ECHDC1: variants seen among roughly 807,000 people sequenced by gnomAD.
The protein encoded by ECHDC1 is ethylmalonyl-CoA decarboxylase 1, also known as ethylmalonyl-CoA decarboxylase.
ECHDC1 carries 29 observed loss-of-function variants against 29.7 expected under a neutral mutation model. The observed-to-expected ratio is 0.98, with a 90% confidence interval of 0.73 to 1.33. ECHDC1 has a LOEUF of 1.33. Among genes scored for constraint, ECHDC1 ranks in the 40% most tolerant of loss-of-function variants. The pLI is 0.00. For missense variants in ECHDC1, 328 were observed against 350.0 expected, an observed-to-expected ratio of 0.94 and a Z score of 0.50; for synonymous variants, 126 against 123.1, an observed-to-expected ratio of 1.02 and a Z score of -0.15.
chr6:127,327,057 T>C lies in ECHDC1; in HGVS notation c.308A>G (p.Asn103Ser). 6.2e-7 allele frequency: 1 copy of C among 1,613,970 alleles called. No individual in the cohort carries two copies. The highest frequency in any genetic ancestry group is 8.5e-7 in the Non-Finnish European group (1 of 1,179,926). Residue 103 changes from asparagine (N) to serine (S), a missense_variant, in exon 3 of 6, where the codon AAT (asparagine) becomes AGT (serine). Asn to Ser is a conservative substitution (Grantham distance 46, BLOSUM62 1). Transcript: ENST00000454859. ...CAGATCAGATCCTGAAGAGAAAGTATTTTTTGCCCCACGGACAATGAGGCC... is the reference window on the plus strand; with the variant it reads ...CAGATCAGATCCTGAAGAGAAAGTACTTTTTGCCCCACGGACAATGAGGCC... Reference protein sequence around the residue: ...GKGLIVRGAKNTFSSGSDLNA... With the variant: ...GKGLIVRGAKSTFSSGSDLNA...
At chr6:127,316,545 T>C (rs1485032273) in intron 3 of ECHDC1, 43 bp from the exon 4 acceptor site, 1 of 1,486,722 alleles carries the variant, frequency 6.7e-7, no homozygotes, top group Non-Finnish European at 9.1e-7. Flanking sequence ...ATAATGCAAA[T>C]ATATTACATT....
intron 1 of ECHDC1, among the ~76,000 whole-genome samples, chr6:127,334,116 T>A (rs761790093): frequency 6.6e-6 from 1 of 152,158 alleles, no homozygotes; most frequent in Non-Finnish European, 1.5e-5. Flanking sequence ...CATTTCTATC[T>A]CTAATTCAGA....
chr6:127,293,654 AAAC>A (rs1780370281), intron 5 of ECHDC1, among the ~76,000 whole-genome samples: 1 of 152,206 alleles, frequency 6.6e-6, no homozygotes, highest in African/African-American at 2.4e-5. Flanking sequence ...AAATTGCCTC[AAAC>A]ACATCTACAA....
At chr6:127,290,309 A>G (rs896367161) in intron 5 of ECHDC1, 32 bp from the exon 6 acceptor site, 3 of 1,585,956 alleles carry the variant, frequency 1.9e-6, no homozygotes, top group East Asian at 4.5e-5. Context: ...CTTAATTGTA[A>G]CTCTCTCTGT....
intron 5 of ECHDC1, among the ~76,000 whole-genome samples, chr6:127,293,537 AG>A (rs1375553872): frequency 6.6e-6 from 1 of 152,172 alleles, no homozygotes; most frequent in African/African-American, 2.4e-5. Flanking sequence ...TCTAGATCTT[AG>A]GAAGTTACTT....
chr6:127,325,492 G>A (rs1396173823), intron 3 of ECHDC1, among the ~76,000 whole-genome samples: 1 of 152,056 alleles, frequency 6.6e-6, no homozygotes, highest in East Asian at 1.9e-4. Context: ...TATACAACTT[G>A]ATGAGTTTGT....
chr6:127,340,734 CT>C (rs964030206), intron 1 of ECHDC1, among the ~76,000 whole-genome samples: 1 of 107,192 alleles, frequency 9.3e-6, no homozygotes, highest in Non-Finnish European at 2.0e-5. Context: ...TAGATAGTTG[CT>C]TTAAAAGTTT....
At chr6:127,325,436 T>C (rs748548133) in intron 3 of ECHDC1, among the ~76,000 whole-genome samples, 2 of 152,108 alleles carry the variant, frequency 1.3e-5, no homozygotes, top group Non-Finnish European at 2.9e-5. Context: ...TTTTTAACAC[T>C]TTGTTGAATT....
chr6:127,305,600 C>T (rs187191959), intron 5 of ECHDC1, among the ~76,000 whole-genome samples: 7 of 152,180 alleles, frequency 4.6e-5, no homozygotes, highest in Admixed American at 2.0e-4. Context: ...ATAATAACTA[C>T]AACTTTTCAT....
chr6:127,314,335 T>C (rs1562318089), intron 5 of ECHDC1, among the ~76,000 whole-genome samples: 2 of 152,194 alleles, frequency 1.3e-5, no homozygotes. Flanking sequence ...TCTCTATTTT[T>C]AGTCCCTAAT....
At chr6:127,306,295 T>G (rs1257194422) in intron 5 of ECHDC1, among the ~76,000 whole-genome samples, 1 of 152,084 alleles carries the variant, frequency 6.6e-6, no homozygotes, top group Non-Finnish European at 1.5e-5. Context: ...CACCCAGATA[T>G]ATACAGGAAA....
intron 5 of ECHDC1, among the ~76,000 whole-genome samples, chr6:127,291,197 T>TTGGTTGATGCCAA (rs1334666532): frequency 1.3e-5 from 2 of 151,768 alleles, no homozygotes; most frequent in African/African-American, 4.8e-5. Flanking sequence ...ACCAAAGCAT[T>TTGGTTGATGCCAA]AACATCTGAC....
At chr6:127,321,540 C>G (rs1055691981) in intron 3 of ECHDC1, among the ~76,000 whole-genome samples, 6 of 152,284 alleles carry the variant, frequency 3.9e-5, no homozygotes, top group Admixed American at 1.3e-4. Context: ...ATTTTAAAAT[C>G]ATAATGTGAT....
At chr6:127,333,458 T>C (rs1035134153) in intron 1 of ECHDC1, among the ~76,000 whole-genome samples, 1 of 152,186 alleles carries the variant, frequency 6.6e-6, no homozygotes, top group African/African-American at 2.4e-5. Flanking sequence ...AGAGTAGTTA[T>C]GAACATTTTA....
chr6:127,319,846 C>A (rs2114638030), intron 3 of ECHDC1, among the ~76,000 whole-genome samples: 1 of 152,242 alleles, frequency 6.6e-6, no homozygotes, highest in Non-Finnish European at 1.5e-5. Context: ...AATGCTCAAC[C>A]AAAATGCCAA....
chr6:127,335,708 T>C (rs1433788606), intron 1 of ECHDC1, among the ~76,000 whole-genome samples: 1 of 152,086 alleles, frequency 6.6e-6, no homozygotes, highest in Non-Finnish European at 1.5e-5. Context: ...ACTTAATGAA[T>C]TGTGATTAAT....
At chr6:127,294,598 G>A (rs975092314) in intron 5 of ECHDC1, 3 of 152,098 alleles carry the variant, frequency 2.0e-5, no homozygotes, top group African/African-American at 7.2e-5. Context: ...ATAGTCGAAT[G>A]TGTGAAAACT....
intron 4 of ECHDC1, 82 bp downstream of exon 4, chr6:127,316,368 C>G: frequency 8.6e-7 from 1 of 1,166,690 alleles, no homozygotes; most frequent in Middle Eastern, 2.5e-4. Flanking sequence ...GCTATTATTT[C>G]TTAACTAGTA....
chr6:127,307,946 G>A (rs1020638947), intron 5 of ECHDC1, among the ~76,000 whole-genome samples: 2 of 152,000 alleles, frequency 1.3e-5, no homozygotes, highest in African/African-American at 2.4e-5. Flanking sequence ...TGAGTAGGAA[G>A]AAATTCAAAA....
Sources: allele counts gnomAD v4.1 joint callset (sites outside exome capture counted in the v4.1 genomes callset), GRCh38; gene constraint gnomAD v4.1.1; transcripts MANE v1.5; gene names NCBI Gene and HGNC (gene_info 2026-07-23, HGNC 2026-07-21).